The following KHDRBS2 variants were observed in gnomAD, a reference collection of about 807,000 sequenced individuals.
The protein encoded by KHDRBS2 is KH RNA binding domain containing, signal transduction associated 2.
A neutral mutation model predicts 44.3 loss-of-function variants in KHDRBS2; 26 were observed. The observed-to-expected ratio is 0.59, with a 90% CI of 0.43 to 0.81. The LOEUF (loss-of-function observed/expected upper bound fraction) is 0.81. Ranked by LOEUF, KHDRBS2 falls within the 40% of genes least tolerant of loss-of-function variation. KHDRBS2 has a pLI of 0.00. For synonymous variants in KHDRBS2, 194 were observed against 151.1 expected (o/e 1.28, Z -2.08); for missense variants, 476 against 433.1 (o/e 1.10, Z -0.88).
chr6:61,891,945 A>T (rs1801921392), intron 6 of KHDRBS2, among the ~76,000 whole-genome samples: 1 of 152,312 alleles, frequency 6.6e-6, no homozygotes, highest in East Asian at 1.9e-4. Context: ...CAATCATGAA[A>T]AAAGGAAGTC....
At chr6:62,140,300 AG>A (rs1812519889) in intron 2 of KHDRBS2, among the ~76,000 whole-genome samples, 1 of 152,242 alleles carries the variant, frequency 6.6e-6, no homozygotes, top group South Asian at 2.1e-4. Context: ...CAGAAGAGCT[AG>A]GTACAGACGG....
downstream of KHDRBS2, among the ~76,000 whole-genome samples, chr6:61,676,643 T>C (rs539916489): frequency 6.6e-6 from 1 of 151,982 alleles, no homozygotes; most frequent in Admixed American, 6.6e-5. Context: ...TCACTCTTGC[T>C]AGTGCAGTGA....
chr6:61,718,648 A>C (rs963210018), intron 7 of KHDRBS2, among the ~76,000 whole-genome samples: 2 of 152,020 alleles, frequency 1.3e-5, no homozygotes, highest in African/African-American at 4.8e-5. Context: ...TCAGGATAGA[A>C]ACTCCCTGTA....
the KHDRBS2 span, among the ~76,000 whole-genome samples, chr6:61,569,460 C>T: frequency 1.3e-5 from 2 of 152,258 alleles, no homozygotes; most frequent in East Asian, 1.9e-4. Flanking sequence ...AATGCCACCT[C>T]CTGGCTGGAG....
At chr6:61,615,233 CA>C in the KHDRBS2 span, among the ~76,000 whole-genome samples, 1,495 of 58,508 alleles carry the variant, frequency 0.026, 32 homozygotes, top group African/African-American at 0.094. Flanking sequence ...ACTCCATCTC[CA>C]AAAAAAAAAA....
intron 2 of KHDRBS2, among the ~76,000 whole-genome samples, chr6:62,073,750 A>C (rs914020914): frequency 3.3e-5 from 5 of 151,350 alleles, no homozygotes; most frequent in African/African-American, 9.7e-5. Flanking sequence ...GAAATTTCTG[A>C]TTGCTATCCC....
At chr6:61,571,541 C>T in the KHDRBS2 span, among the ~76,000 whole-genome samples, 1 of 150,892 alleles carries the variant, frequency 6.6e-6, no homozygotes, top group Admixed American at 6.6e-5. Flanking sequence ...TGGACTGAAA[C>T]TATACCCTAG....
At chr6:62,198,780 C>T (rs1399800462) in intron 1 of KHDRBS2, among the ~76,000 whole-genome samples, 2 of 152,116 alleles carry the variant, frequency 1.3e-5, no homozygotes, top group East Asian at 1.9e-4. Context: ...AGAGACACAA[C>T]AGAAAAAAGA....
the KHDRBS2 span, among the ~76,000 whole-genome samples, chr6:61,619,918 G>A: frequency 1.3e-5 from 2 of 152,150 alleles, no homozygotes; most frequent in Non-Finnish European, 2.9e-5. Flanking sequence ...ATGAGAAAAT[G>A]TCTAAATTTT....
At chr6:62,131,152 C>T (rs1436149646) in intron 2 of KHDRBS2, among the ~76,000 whole-genome samples, 1 of 151,988 alleles carries the variant, frequency 6.6e-6, no homozygotes, top group East Asian at 1.9e-4. Flanking sequence ...TTTACAAAGT[C>T]CCCTAGTAAT....
intron 3 of KHDRBS2, among the ~76,000 whole-genome samples, chr6:62,009,960 A>T (rs1297786244): frequency 6.6e-6 from 1 of 152,134 alleles, no homozygotes; most frequent in East Asian, 1.9e-4. Flanking sequence ...CAGAGTCCTC[A>T]CTGGGGTACT....
rs1228604339 is a variant in KHDRBS2, at chr6:61,756,275, G to T, written c.811-23511C>A. Among the ~76,000 whole-genome samples the T allele has an allele frequency of 2.5e-4, 37 of 146,630 alleles. No homozygotes were observed. The East Asian group carries it at 6.7e-3, about 27-fold the overall frequency. Reference sequence around the variant, plus strand: ...TATTTAATTAATTTATTTTTTTTTTGAGATGGAATCCCGCTCTGTTGCCCA... The same window carrying T: ...TATTTAATTAATTTATTTTTTTTTTTAGATGGAATCCCGCTCTGTTGCCCA... On this transcript the variant is annotated intron_variant, in intron 6 of 8. Transcript: ENST00000281156.
At chr6:61,867,241 T>C (rs522347) in intron 6 of KHDRBS2, among the ~76,000 whole-genome samples, 87,690 of 152,066 alleles carry the variant, frequency 0.58, 25,492 homozygotes, top group South Asian at 0.68. Flanking sequence ...GAACAAGTCA[T>C]GTCTTACATG....
chr6:61,963,811 G>A (rs1309531041), intron 4 of KHDRBS2, among the ~76,000 whole-genome samples: 2 of 151,970 alleles, frequency 1.3e-5, no homozygotes, highest in African/African-American at 4.8e-5. Context: ...CCAAGTGAAA[G>A]GTTTCTTCTC....
At chr6:61,694,167 T>C (rs755526324) in intron 8 of KHDRBS2, among the ~76,000 whole-genome samples, 3 of 152,164 alleles carry the variant, frequency 2.0e-5, no homozygotes, top group Admixed American at 6.6e-5. Context: ...TACTTACAAA[T>C]AATAATATGC....
At chr6:61,630,570 AT>A in the KHDRBS2 span, 1 of 152,220 alleles carries the variant, frequency 6.6e-6, no homozygotes, top group Non-Finnish European at 1.5e-5. Flanking sequence ...GCAATCAAGC[AT>A]TGTTATGGCA....
intron 1 of KHDRBS2, among the ~76,000 whole-genome samples, chr6:62,283,818 C>G (rs1463157640): frequency 6.6e-6 from 1 of 152,092 alleles, no homozygotes; most frequent in Non-Finnish European, 1.5e-5. Context: ...GCCCCAGGTA[C>G]AGAGAGCTAA....
At chr6:61,722,016 T>G (rs1355261100) in intron 7 of KHDRBS2, among the ~76,000 whole-genome samples, 1 of 151,246 alleles carries the variant, frequency 6.6e-6, no homozygotes, top group Non-Finnish European at 1.5e-5. Flanking sequence ...CAAAGGCCTT[T>G]TCTGCATCTA....
At chr6:62,104,433 AGTCATGCATC>A (rs1296445296) in intron 2 of KHDRBS2, among the ~76,000 whole-genome samples, 1 of 152,234 alleles carries the variant, frequency 6.6e-6, no homozygotes, top group Non-Finnish European at 1.5e-5. Context: ...AAATCATTCA[AGTCATGCATC>A]GTTATGTTCT....
Sources: allele counts gnomAD v4.1 joint callset (sites outside exome capture counted in the v4.1 genomes callset), GRCh38; gene constraint gnomAD v4.1.1; transcripts MANE v1.5; gene names NCBI Gene and HGNC (gene_info 2026-07-23, HGNC 2026-07-21).